CARMIL1: variants seen among roughly 807,000 people sequenced by gnomAD.
The protein encoded by CARMIL1 is capping protein regulator and myosin 1 linker 1.
CARMIL1 carries 90 observed loss-of-function variants against 177.1 expected under a neutral mutation model. That is an observed-to-expected ratio of 0.51 (90% CI 0.43 to 0.61). The LOEUF (loss-of-function observed/expected upper bound fraction) is 0.61. Among genes scored for constraint, CARMIL1 ranks in the 20% least tolerant of loss-of-function variants. CARMIL1 has a pLI of 0.00. For synonymous variants in CARMIL1, 577 were observed against 606.2 expected (o/e 0.95, Z 0.71); for missense variants, 1,380 against 1,667.0 (o/e 0.83, Z 3.00).
Position 25,620,472 on chromosome 6 carries a change from G to A in CARMIL1, c.*889G>A, listed in dbSNP as rs530138003. ...TCACAAATATTCACTTACATTACAG[G>A]CTGGAAGTATTTTATTCATATGTAT... On this transcript the variant is annotated 3_prime_UTR_variant, in exon 37 of 37. Transcript: ENST00000329474. 6.6e-6 allele frequency: 1 copy of A among 152,252 alleles called. No individual in the cohort carries two copies. The highest frequency in any genetic ancestry group is 1.9e-4 in the East Asian group (1 of 5,174). 9.4% of individuals were successfully genotyped at this position (152,252 alleles called of 1,614,324 possible).
intron 11 of CARMIL1, among the ~76,000 whole-genome samples, chr6:25,479,819 C>G (rs1332700339): frequency 6.6e-6 from 1 of 152,010 alleles, no homozygotes; most frequent in East Asian, 1.9e-4. Context: ...AGGCATGGCT[C>G]TAGTTAGATC....
chr6:25,425,955 G>A (rs901534352), intron 3 of CARMIL1, among the ~76,000 whole-genome samples: 5 of 152,120 alleles, frequency 3.3e-5, no homozygotes, highest in African/African-American at 1.2e-4. Context: ...CTGGTAAGTG[G>A]TCAGAGTGTA....
chr6:25,552,493 A>G (rs1016909109), intron 27 of CARMIL1, among the ~76,000 whole-genome samples: 5 of 152,156 alleles, frequency 3.3e-5, no homozygotes, highest in Admixed American at 2.6e-4. Flanking sequence ...TATACTGAAC[A>G]TTGATAGAAT....
chr6:25,507,846 G>A (rs1186574280), intron 17 of CARMIL1, among the ~76,000 whole-genome samples: 2 of 152,048 alleles, frequency 1.3e-5, no homozygotes, highest in Non-Finnish European at 2.9e-5. Context: ...TTGCTTAAAT[G>A]AGTTCTTGCT....
At chr6:25,484,354 T>G (rs966709913) in intron 12 of CARMIL1, among the ~76,000 whole-genome samples, 1 of 152,248 alleles carries the variant, frequency 6.6e-6, no homozygotes, top group African/African-American at 2.4e-5. Context: ...TACACTATTC[T>G]GAACATGCAG....
At chr6:25,534,576 A>AT (rs982231571) in intron 24 of CARMIL1, among the ~76,000 whole-genome samples, 2 of 152,108 alleles carry the variant, frequency 1.3e-5, no homozygotes, top group Non-Finnish European at 2.9e-5. Context: ...TTTGGATAAA[A>AT]TTTTTTTAAA....
At chr6:25,284,952 AGT>A (rs949765595) in intron 2 of CARMIL1, 43 bp downstream of exon 2, 3 of 1,232,828 alleles carry the variant, frequency 2.4e-6, no homozygotes, top group Non-Finnish European at 3.5e-6. Flanking sequence ...TGGAAATGAA[AGT>A]GTGTTTTCAT....
At chr6:25,375,531 A>G (rs375180384) in intron 2 of CARMIL1, among the ~76,000 whole-genome samples, 1 of 152,202 alleles carries the variant, frequency 6.6e-6, no homozygotes, top group African/African-American at 2.4e-5. Context: ...GGTTACCTAA[A>G]TCTCCAGCAA....
rs191828245 is a variant in CARMIL1 at position 25,566,575 on chromosome 6, A to G, written c.2742+9725A>G. Among the ~76,000 whole-genome samples the G allele has an allele frequency of 1.3e-4, 20 of 152,288 alleles. No individual in the cohort carries two copies. In the East Asian group the frequency reaches 3.9e-3, roughly 29 times the overall value. ...GCCTTCCAGTCACCTCGCATATTATATTATCTTAGCACTTATTAGAACTTG... is the reference window on the plus strand; with the variant it reads ...GCCTTCCAGTCACCTCGCATATTATGTTATCTTAGCACTTATTAGAACTTG... On this transcript the variant is annotated intron_variant, in intron 29 of 36. Transcript: ENST00000329474.
In CARMIL1 at chr6:25,489,144, G is replaced by A. The variant is rs529998443; in HGVS notation, c.1065+559G>A. The stretch of plus-strand genomic sequence containing the variant: ...TACACCACTGCACTCCAGCCTGGGC[G>A]ACAGTGTGAGTCTCCGTATCAAACA... On this transcript the variant is annotated intron_variant, in intron 13 of 36. Coordinates refer to ENST00000329474, the MANE Select transcript of CARMIL1 (RefSeq NM_017640.6). Among the ~76,000 whole-genome samples the A allele has an allele frequency of 5.6e-5, 8 of 143,068 alleles. No homozygotes were observed. The East Asian group carries it at 1.0e-3, about 19-fold the overall frequency. The allele number at this position is 143,068 out of a possible 152,430, so 93.9% of individuals were successfully genotyped here.
chr6:25,461,389 T>C (rs1375204461), intron 8 of CARMIL1, among the ~76,000 whole-genome samples: 1 of 152,238 alleles, frequency 6.6e-6, no homozygotes, highest in Non-Finnish European at 1.5e-5. Context: ...TCAAACTTAA[T>C]GGCCACAGCA....
chr6:25,455,872 C>T (rs576464359), intron 8 of CARMIL1, among the ~76,000 whole-genome samples: 5 of 152,294 alleles, frequency 3.3e-5, no homozygotes, highest in African/African-American at 1.2e-4. Flanking sequence ...ATCTGAAGCA[C>T]AGAGATGGAG....
At chr6:25,406,210 C>T (rs10946773) in intron 2 of CARMIL1, among the ~76,000 whole-genome samples, 65,382 of 151,996 alleles carry the variant, frequency 0.43, 14,266 homozygotes, top group Middle Eastern at 0.57. Context: ...CTGGTGTAGT[C>T]TGGACTTTCT....
intron 1 of CARMIL1, among the ~76,000 whole-genome samples, chr6:25,282,143 T>A (rs1781177550): frequency 6.7e-6 from 1 of 148,732 alleles, no homozygotes; most frequent in Non-Finnish European, 1.5e-5. Context: ...AAAAAAGTGT[T>A]ATAGACTTTA....
Position 25,426,602 on chromosome 6 carries a change from T to C in CARMIL1, c.249+42T>C, listed in dbSNP as rs368702726. 1.1e-5 allele frequency: 17 copies of C among 1,540,530 alleles called. No individual in the cohort carries two copies. The African/African-American group carries it at 2.0e-4, about 19-fold the overall frequency. The stretch of plus-strand genomic sequence containing the variant: ...GATCACTGCAAGATCATGATCTTTC[T>C]TGAATTCTTGAAACCCTAAAATGTT... On this transcript the variant is annotated intron_variant, in intron 4 of 36. Coordinates refer to ENST00000329474, the MANE Select transcript of CARMIL1 (RefSeq NM_017640.6).
At position 25,491,763 on chromosome 6, in the gene CARMIL1, C is replaced by T; in HGVS notation, c.1097C>T (p.Ala366Val). 2.5e-6 allele frequency: 4 copies of T among 1,600,004 alleles called. No homozygotes were observed. Among genetic ancestry groups the T allele is most frequent in the Non-Finnish European group, 3.4e-6 (4 of 1,172,908 alleles). Residue 366 changes from alanine to valine, a missense_variant, in exon 14 of 37, where the codon GCC becomes GTC. Transcript: ENST00000329474. ...TATAATTTTTTGGCCCAGCCAAATG[C>T]CATTGTTCATCTGGATTTATCCAAT... ...HMYNFLAQPN[A>V]IVHLDLSNTE...
chr6:25,576,023 T>A (rs1304030706), intron 29 of CARMIL1, among the ~76,000 whole-genome samples: 2 of 152,126 alleles, frequency 1.3e-5, no homozygotes, highest in Non-Finnish European at 2.9e-5. Context: ...TTGGAAAGGA[T>A]CCCTCAACCC....
At chr6:25,512,103 T>C (rs1325350413) in intron 20 of CARMIL1, among the ~76,000 whole-genome samples, 2 of 152,220 alleles carry the variant, frequency 1.3e-5, no homozygotes, top group Non-Finnish European at 2.9e-5. Context: ...TTAGGGAAGC[T>C]AATATTACAT....
At chr6:25,316,189 A>G (rs1050513286) in intron 2 of CARMIL1, among the ~76,000 whole-genome samples, 7 of 152,210 alleles carry the variant, frequency 4.6e-5, no homozygotes, top group Admixed American at 1.3e-4. Flanking sequence ...TAATTAATTG[A>G]AGTGATTACT....
Sources: gnomAD v4.1 joint callset for allele counts (sites outside exome capture counted in the v4.1 genomes callset) on GRCh38, gnomAD v4.1.1 for gene constraint, MANE v1.5 for transcripts, NCBI Gene and HGNC (gene_info 2026-07-23, HGNC 2026-07-21) for gene names.